The following CAST variants were observed in gnomAD, a reference collection of about 807,000 sequenced individuals.
CAST encodes the protein MIR583 host.
Under a neutral mutation model 119.6 loss-of-function variants are expected in CAST, and 76 were observed. The ratio of observed to expected loss-of-function variants is 0.64; its 90% CI spans 0.53 to 0.77. The LOEUF (loss-of-function observed/expected upper bound fraction) is 0.77, where lower values mean the gene tolerates loss of function less well. CAST is among the 30% of genes least tolerant of loss of function. The pLI is 0.00. For synonymous variants in CAST, 319 were observed against 331.6 expected (o/e 0.96, Z 0.41); for missense variants, 953 against 946.5 (o/e 1.01, Z -0.09).
intron 3 of CAST, among the ~76,000 whole-genome samples, chr5:96,721,884 T>C (rs1475289964): frequency 1.3e-5 from 2 of 152,198 alleles, no homozygotes; most frequent in Non-Finnish European, 2.9e-5. Context: ...GTTCCTTGAA[T>C]AGTTACTATT....
the CAST span, among the ~76,000 whole-genome samples, chr5:96,025,530 G>A: frequency 3.3e-5 from 5 of 152,088 alleles, no homozygotes; most frequent in East Asian, 1.9e-4. Flanking sequence ...TACATCTTGC[G>A]TATCTTCTAT....
the CAST span, among the ~76,000 whole-genome samples, chr5:96,024,869 G>A: frequency 1.3e-5 from 2 of 152,036 alleles, no homozygotes; most frequent in African/African-American, 4.8e-5. Flanking sequence ...GAACTTGATG[G>A]TACACTTTTT....
At chr5:96,245,303 A>T in the CAST span, among the ~76,000 whole-genome samples, 1 of 152,210 alleles carries the variant, frequency 6.6e-6, no homozygotes, top group Non-Finnish European at 1.5e-5. Flanking sequence ...GCCAGAGATA[A>T]ATAACCACAA....
chr5:96,444,895 C>T, the CAST span, among the ~76,000 whole-genome samples: 3 of 151,980 alleles, frequency 2.0e-5, no homozygotes, highest in African/African-American at 7.3e-5. Flanking sequence ...CAGTTGAGAG[C>T]GAGAAAAGAA....
At chr5:96,216,710 A>C in the CAST span, among the ~76,000 whole-genome samples, 1 of 152,236 alleles carries the variant, frequency 6.6e-6, no homozygotes. Flanking sequence ...CTCTAATTTT[A>C]GTTTGAAAGC....
chr5:96,330,786 T>C, the CAST span, among the ~76,000 whole-genome samples: 1 of 152,178 alleles, frequency 6.6e-6, no homozygotes, highest in Non-Finnish European at 1.5e-5. Flanking sequence ...TATTATGTCT[T>C]GTGTTCTGAA....
Position 96,587,905 on chromosome 5 carries a change from A to G in CAST, c.60+58025A>G, listed in dbSNP as rs371645217. 7.7e-4 allele frequency among the ~76,000 whole-genome samples: 118 copies of G among 152,282 alleles called. 1 individual carries two copies. In the South Asian group the frequency reaches 0.024, roughly 31 times the overall value. On this transcript the variant is annotated intron_variant, in intron 1 of 11. Coordinates refer to the CAST transcript ENST00000505143. Reference sequence around the variant, plus strand: ...TTTTTATTAACTGTGGTCTTTCTTAAAAATAATTATCTCTATGAGATCATA... The same window carrying G: ...TTTTTATTAACTGTGGTCTTTCTTAGAAATAATTATCTCTATGAGATCATA...
the CAST span, among the ~76,000 whole-genome samples, chr5:96,356,764 G>A: frequency 5.3e-5 from 8 of 152,116 alleles, no homozygotes; most frequent in African/African-American, 1.2e-4. Context: ...GTCAGGTAGC[G>A]TGATGCCTCC....
chr5:96,517,392 G>C, the CAST span, among the ~76,000 whole-genome samples: 2 of 152,122 alleles, frequency 1.3e-5, no homozygotes, highest in African/African-American at 4.8e-5. Context: ...ATCAAATCAG[G>C]AGACGTTTCA....
chr5:96,659,383 T>C (rs148735412), upstream of CAST, among the ~76,000 whole-genome samples: 12 of 152,346 alleles, frequency 7.9e-5, no homozygotes, highest in East Asian at 2.3e-3. Context: ...TATTTACTTG[T>C]CTGTCTCTTC....
intron 1 of CAST, among the ~76,000 whole-genome samples, chr5:96,555,977 C>T (rs934124203): frequency 2.6e-5 from 4 of 152,194 alleles, no homozygotes; most frequent in African/African-American, 9.6e-5. Context: ...GGCAGACTGA[C>T]ACCTCACATG....
At chr5:96,558,947 A>G (rs948084306) in intron 1 of CAST, among the ~76,000 whole-genome samples, 8 of 152,048 alleles carry the variant, frequency 5.3e-5, no homozygotes, top group Non-Finnish European at 5.9e-5. Context: ...ACATTGATGC[A>G]AAAATCCTCA....
At chr5:96,244,850 C>A in the CAST span, among the ~76,000 whole-genome samples, 1 of 152,134 alleles carries the variant, frequency 6.6e-6, no homozygotes, top group Non-Finnish European at 1.5e-5. Flanking sequence ...TATTGAGTGA[C>A]TTTGTGGGTA....
chr5:96,414,128 G>A, the CAST span, among the ~76,000 whole-genome samples: 1 of 146,690 alleles, frequency 6.8e-6, no homozygotes, highest in Non-Finnish European at 1.5e-5. Flanking sequence ...GACAGAGTGA[G>A]ACTCTGTCTA....
At chr5:96,376,472 G>A in the CAST span, among the ~76,000 whole-genome samples, 866 of 149,982 alleles carry the variant, frequency 5.8e-3, 8 homozygotes, top group African/African-American at 0.02. Flanking sequence ...ACAGAGTCTC[G>A]CTCTGTCGCC....
the CAST span, among the ~76,000 whole-genome samples, chr5:96,143,236 C>G: frequency 6.6e-6 from 1 of 152,156 alleles, no homozygotes; most frequent in Non-Finnish European, 1.5e-5. Context: ...GACTCTATTA[C>G]AGGCATGATT....
the CAST span, among the ~76,000 whole-genome samples, chr5:96,262,756 C>T: frequency 2.0e-5 from 3 of 152,066 alleles, no homozygotes; most frequent in African/African-American, 7.2e-5. Flanking sequence ...AAGACGGTCT[C>T]GATCTCCTGA....
the CAST span, among the ~76,000 whole-genome samples, chr5:96,285,510 C>T: frequency 6.6e-6 from 1 of 152,160 alleles, no homozygotes; most frequent in Non-Finnish European, 1.5e-5. Flanking sequence ...GATTAGCCTT[C>T]TTGAAAAGGC....
At chr5:96,077,197 A>G in the CAST span, among the ~76,000 whole-genome samples, 2 of 152,068 alleles carry the variant, frequency 1.3e-5, no homozygotes, top group African/African-American at 4.8e-5. Context: ...TGACATCTTA[A>G]CATATATACC....
Sources: gnomAD v4.1 joint callset for allele counts (sites outside exome capture counted in the v4.1 genomes callset) on GRCh38, gnomAD v4.1.1 for gene constraint, MANE v1.5 for transcripts, NCBI Gene and HGNC (gene_info 2026-07-23, HGNC 2026-07-21) for gene names.